The following PTCHD1 variants were observed in gnomAD, a reference collection of about 807,000 sequenced individuals.
The protein encoded by PTCHD1 is patched domain-containing protein 1.
PTCHD1 carries 3 observed loss-of-function variants against 34.6 expected under a neutral mutation model. The observed-to-expected ratio is 0.09, with a 90% CI of 0.04 to 0.22. The LOEUF (loss-of-function observed/expected upper bound fraction) is 0.22, where lower values mean the gene tolerates loss of function less well. PTCHD1 is among the 10% of genes least tolerant of loss of function. The probability of loss-of-function intolerance (pLI) is 1.00; values close to 1 mark genes in which losing one functional copy is unlikely to be tolerated. For missense variants in PTCHD1, 504 were observed against 685.5 expected (o/e 0.74, Z 2.96); for synonymous variants, 305 against 283.1 (o/e 1.08, Z -0.77).
intron 1 of PTCHD1, among the ~76,000 whole-genome samples, chrX:23,350,009 C>T (rs1181787122): frequency 3.3e-5 from 3 of 91,764 alleles, no homozygotes; most frequent in African/African-American, 1.3e-4. Flanking sequence ...GGACATAGAT[C>T]AGACCACCAT....
intron 1 of PTCHD1, among the ~76,000 whole-genome samples, chrX:23,344,365 G>A (rs916278664): frequency 8.9e-6 from 1 of 112,160 alleles, no homozygotes; most frequent in African/African-American, 3.2e-5. Flanking sequence ...TGTAACCATA[G>A]CCTTCTGTAA....
chrX:23,351,302 A>G, intron 1 of PTCHD1: 2 of 865,550 alleles, frequency 2.3e-6, no homozygotes, highest in Non-Finnish European at 3.4e-6. Flanking sequence ...ATGTTGGACA[A>G]CTTACACAAT....
chrX:23,392,032 ATTTTCTTTCTTTTT>A (rs376077845), intron 2 of PTCHD1, among the ~76,000 whole-genome samples: 8 of 63,972 alleles, frequency 1.3e-4, no homozygotes, highest in East Asian at 4.6e-4. Context: ...AAGTTGTTTC[ATTTTCTTTCTTTTT>A]TTTTCTTTCT....
At chrX:23,368,785 G>A (rs1042168480) in intron 1 of PTCHD1, among the ~76,000 whole-genome samples, 24 of 111,527 alleles carry the variant, frequency 2.2e-4, no homozygotes, top group Non-Finnish European at 4.1e-4. Flanking sequence ...ATACATGGCC[G>A]GGTGCGGTGG....
chrX:23,338,385 G>A (rs1921225370), intron 1 of PTCHD1, among the ~76,000 whole-genome samples: 1 of 112,325 alleles, frequency 8.9e-6, no homozygotes, highest in Non-Finnish European at 1.9e-5. Flanking sequence ...AGCTTTTATA[G>A]ATACGTTTCG....
chrX:23,394,120 A>C lies in PTCHD1; in HGVS notation c.2602A>C (p.Ile868Leu). The change falls in exon 3 of 3, where the codon ATT becomes CTT. Residue 868 changes from isoleucine to leucine, a missense_variant. By Grantham distance (5) the Ile-to-Leu change is conservative (BLOSUM62 2). Coordinates refer to ENST00000379361, the MANE Select transcript of PTCHD1 (RefSeq NM_173495.3). ...EKKNPENREE[I>L]ECVEMVDIDS... Reference sequence around the variant, plus strand: ...GAAAAATCCTGAGAACCGGGAGGAAATTGAGTGTGTAGAAATGGTAGATAT... The same window carrying C: ...GAAAAATCCTGAGAACCGGGAGGAACTTGAGTGTGTAGAAATGGTAGATAT... 1 of 1,210,617 alleles carries C rather than the reference A, an allele frequency of 8.3e-7. No individual in the cohort carries two copies. Among genetic ancestry groups the C allele is most frequent in the Non-Finnish European group, 1.1e-6 (1 of 894,969 alleles).
intron 2 of PTCHD1, among the ~76,000 whole-genome samples, chrX:23,385,961 T>A (rs927755743): frequency 9.0e-6 from 1 of 110,918 alleles, no homozygotes; most frequent in Non-Finnish European, 1.9e-5. Context: ...TACAATGTGT[T>A]TATAACATAT....
intron 1 of PTCHD1, among the ~76,000 whole-genome samples, chrX:23,339,041 TTGAG>T (rs1356398842): frequency 9.0e-6 from 1 of 111,701 alleles, no homozygotes; most frequent in Non-Finnish European, 1.9e-5. Context: ...TGCTTCCTGA[TTGAG>T]TGCTGCTCAT....
chrX:23,341,998 T>C (rs1323644462), intron 1 of PTCHD1, among the ~76,000 whole-genome samples: 2 of 109,606 alleles, frequency 1.8e-5, no homozygotes, highest in East Asian at 2.9e-4. Context: ...GGAGGTGATA[T>C]CAGAAAAGGC....
intron 1 of PTCHD1, among the ~76,000 whole-genome samples, chrX:23,370,504 T>C (rs191826810): frequency 1.8e-5 from 2 of 112,148 alleles, no homozygotes; most frequent in East Asian, 5.6e-4. Context: ...AGAAGAATTA[T>C]TGTCAGGAAG....
chrX:23,375,067 C>G (rs995093639), intron 1 of PTCHD1, among the ~76,000 whole-genome samples: 2 of 111,807 alleles, frequency 1.8e-5, no homozygotes, highest in Non-Finnish European at 3.8e-5. Flanking sequence ...TTTAGCAACA[C>G]CAGAGGCTGG....
At chrX:23,392,412 G>A (rs1166207940) in intron 2 of PTCHD1, 119 bp from the exon 3 acceptor site, 8 of 530,137 alleles carry the variant, frequency 1.5e-5, no homozygotes, top group East Asian at 7.0e-5. Context: ...TTACATACCC[G>A]TCACCACTAG....
At chrX:23,347,534 T>C (rs1921509531) in intron 1 of PTCHD1, among the ~76,000 whole-genome samples, 1 of 112,346 alleles carries the variant, frequency 8.9e-6, no homozygotes, top group African/African-American at 3.2e-5. Context: ...TTAACATAAA[T>C]CTTCCCTGTA....
At chrX:23,377,100 G>C (rs1255551405) in intron 1 of PTCHD1, among the ~76,000 whole-genome samples, 1 of 112,100 alleles carries the variant, frequency 8.9e-6, no homozygotes, top group Non-Finnish European at 1.9e-5. Flanking sequence ...ATAGAGAATG[G>C]ATGGAAAATA....
At chrX:23,341,978 G>A (rs1011347117) in intron 1 of PTCHD1, among the ~76,000 whole-genome samples, 1 of 110,300 alleles carries the variant, frequency 9.1e-6, no homozygotes, top group African/African-American at 3.3e-5. Context: ...AAGTGCAGTC[G>A]GTTATCTTGG....
upstream of PTCHD1, chrX:23,334,753 C>CCGCCGCCGCCGT (rs1197177681): frequency 1.2e-4 from 15 of 129,489 alleles, no homozygotes; most frequent in African/African-American, 3.8e-4. Flanking sequence ...CAGGGTCTCG[C>CCGCCGCCGCCGT]CGCCGCCGCC....
intron 1 of PTCHD1, among the ~76,000 whole-genome samples, chrX:23,356,417 T>G (rs1055847882): frequency 4.5e-5 from 5 of 112,036 alleles, no homozygotes; most frequent in African/African-American, 1.6e-4. Context: ...ACGCCTAAGC[T>G]AAGCCCATCA....
chrX:23,350,063 A>T (rs1170626691), intron 1 of PTCHD1, among the ~76,000 whole-genome samples: 2 of 64,562 alleles, frequency 3.1e-5, no homozygotes, highest in African/African-American at 1.4e-4. Context: ...GTGCTGTTAA[A>T]AAAAAAAAAA....
At chrX:23,381,704 A>C (rs1922568656) in intron 2 of PTCHD1, among the ~76,000 whole-genome samples, 1 of 112,014 alleles carries the variant, frequency 8.9e-6, no homozygotes, top group Non-Finnish European at 1.9e-5. Flanking sequence ...GGGCACTGTA[A>C]GGAGACCGAG....
Sources: gnomAD v4.1 joint callset for allele counts (sites outside exome capture counted in the v4.1 genomes callset) on GRCh38, gnomAD v4.1.1 for gene constraint, MANE v1.5 for transcripts, NCBI Gene and HGNC (gene_info 2026-07-23, HGNC 2026-07-21) for gene names.